Variants in WWOX observed in about 807,000 individuals in gnomAD.
WWOX encodes the protein WW domain-containing oxidoreductase.
WWOX carries 69 observed loss-of-function variants against 46.2 expected under a neutral mutation model. The observed-to-expected ratio is 1.49, with a 90% CI of 1.23 to 1.82. WWOX has a LOEUF of 1.82. Among genes scored for constraint, WWOX ranks in the 40% most tolerant of loss-of-function variants. The pLI, the probability that WWOX is intolerant of heterozygous loss-of-function variation, is 0.00. For missense variants in WWOX, 919 were observed against 542.6 expected (o/e 1.69, Z -6.89); for synonymous variants, 359 against 202.6 (o/e 1.77, Z -6.56).
chr16:78,860,661 A>G (rs967712153), intron 8 of WWOX, among the ~76,000 whole-genome samples: 3 of 152,230 alleles, frequency 2.0e-5, no homozygotes, highest in African/African-American at 7.2e-5. Context: ...TCAGGTAATG[A>G]TAATGCGTGA....
chr16:78,627,167 C>T (rs1279657967), intron 8 of WWOX, among the ~76,000 whole-genome samples: 1 of 151,900 alleles, frequency 6.6e-6, no homozygotes, highest in African/African-American at 2.4e-5. Flanking sequence ...GTGAGTTCTC[C>T]CACTTTACAT....
chr16:78,747,397 C>T (rs377094633), intron 8 of WWOX, among the ~76,000 whole-genome samples: 2 of 152,028 alleles, frequency 1.3e-5, no homozygotes, highest in Non-Finnish European at 2.9e-5. Context: ...ATCACTTTCT[C>T]AGAGGCCTAC....
At chr16:79,176,116 G>A (rs1192349548) in intron 8 of WWOX, among the ~76,000 whole-genome samples, 2 of 152,164 alleles carry the variant, frequency 1.3e-5, no homozygotes, top group Non-Finnish European at 2.9e-5. Flanking sequence ...CACCTGTGTT[G>A]CAAATGTATT....
chr16:78,541,019 T>C (rs979564922), intron 8 of WWOX, among the ~76,000 whole-genome samples: 2 of 151,950 alleles, frequency 1.3e-5, no homozygotes, highest in African/African-American at 2.4e-5. Flanking sequence ...GTCAGCTGAG[T>C]TGGGGAGGTG....
chr16:78,671,536 C>A (rs778244097), intron 8 of WWOX, among the ~76,000 whole-genome samples: 2 of 152,186 alleles, frequency 1.3e-5, no homozygotes, highest in Non-Finnish European at 2.9e-5. Flanking sequence ...TTTAGTACAA[C>A]AACCCTGCCC....
chr16:78,694,175 T>C (rs1182874544), intron 8 of WWOX, among the ~76,000 whole-genome samples: 1 of 152,148 alleles, frequency 6.6e-6, no homozygotes, highest in African/African-American at 2.4e-5. Flanking sequence ...ATCGCACTAC[T>C]TCATTCCAGC....
At position 78,756,968 on chromosome 16, in the gene WWOX, A is replaced by G. The variant is rs554271071; in HGVS notation, c.1056+324216A>G. On this transcript the variant is annotated intron_variant, in intron 8 of 8. Coordinates refer to ENST00000566780, the MANE Select transcript of WWOX (RefSeq NM_016373.4). The stretch of plus-strand genomic sequence containing the variant: ...AAGCCAGCTGCCATGTTGGGAGGAT[A>G]CTCAAGCATACCCGTGTAGAAGAAC... The G allele has an allele frequency of 1.9e-4, 136 of 702,980 alleles. No homozygotes were observed. The East Asian group carries it at 3.4e-3, about 18-fold the overall frequency. The allele number at this position is 702,980 out of a possible 1,614,324, so 43.5% of individuals were successfully genotyped here. A position where few individuals can be genotyped will look rare whatever the true frequency, so the allele number is the denominator to read the frequency against.
chr16:78,730,670 G>A (rs966219379), intron 8 of WWOX, among the ~76,000 whole-genome samples: 2 of 147,692 alleles, frequency 1.4e-5, no homozygotes, highest in African/African-American at 5.0e-5. Flanking sequence ...GTGTTGCCCG[G>A]GATGGTCTTG....
intron 5 of WWOX, among the ~76,000 whole-genome samples, chr16:78,343,845 G>C (rs1280976863): frequency 8.4e-6 from 1 of 119,652 alleles, no homozygotes; most frequent in African/African-American, 2.8e-5. Context: ...CACCCGTTTT[G>C]GGCTTGAAAA....
chr16:78,840,677 T>C (rs553165971), intron 8 of WWOX, among the ~76,000 whole-genome samples: 57 of 152,226 alleles, frequency 3.7e-4, no homozygotes, highest in African/African-American at 1.4e-3. Context: ...TCAGTAGGTC[T>C]AGGTGGGGCC....
At chr16:79,160,719 G>A (rs2050468947) in intron 8 of WWOX, among the ~76,000 whole-genome samples, 1 of 152,102 alleles carries the variant, frequency 6.6e-6, no homozygotes, top group Admixed American at 6.5e-5. Flanking sequence ...CATCGATTTA[G>A]TGATAAAATG....
At chr16:78,378,355 A>T (rs2081878458) in intron 5 of WWOX, among the ~76,000 whole-genome samples, 1 of 152,016 alleles carries the variant, frequency 6.6e-6, no homozygotes, top group African/African-American at 2.4e-5. Context: ...GATGGGTCAA[A>T]CTCCCCATCA....
rs1031326441 is a variant in WWOX, at chr16:79,212,445, T to A, written c.*649T>A. 7.4e-6 allele frequency: 2 copies of A among 269,858 alleles called. No individual in the cohort carries two copies. The allele number at this position is 269,858 out of a possible 1,614,324, so 16.7% of individuals were successfully genotyped here. The stretch of plus-strand genomic sequence containing the variant: ...TGCTATGCAAAAAATTCTTTAGAGA[T>A]TATAACAAATTTTTCAAATCATTCC... On this transcript the variant is annotated 3_prime_UTR_variant, in exon 9 of 9. Coordinates refer to ENST00000566780, the MANE Select transcript of WWOX (RefSeq NM_016373.4).
intron 5 of WWOX, among the ~76,000 whole-genome samples, chr16:78,171,058 A>G (rs1026180352): frequency 6.6e-6 from 1 of 152,234 alleles, no homozygotes; most frequent in Non-Finnish European, 1.5e-5. Context: ...ATTGATTAGC[A>G]TCGGAAATAA....
At chr16:78,126,537 C>G (rs1339502230) in intron 4 of WWOX, among the ~76,000 whole-genome samples, 2 of 152,130 alleles carry the variant, frequency 1.3e-5, no homozygotes, top group Non-Finnish European at 2.9e-5. Context: ...GTATCGATTA[C>G]TAATTGATTG....
In WWOX at chr16:79,106,511, G is replaced by C. The variant is rs777850896; in HGVS notation, c.1057-105097G>C. 2.7e-5 allele frequency: 4 copies of C among 149,922 alleles called. No individual in the cohort carries two copies. The East Asian group carries it at 7.8e-4, about 29-fold the overall frequency. 9.3% of individuals were successfully genotyped at this position (149,922 alleles called of 1,614,324 possible). A position where few individuals can be genotyped will look rare whatever the true frequency, so the allele number is the denominator to read the frequency against. On this transcript the variant is annotated intron_variant, in intron 8 of 8. Coordinates refer to ENST00000566780, the MANE Select transcript of WWOX (RefSeq NM_016373.4). ...TACGCAAACTTTGGAGTATGAGTGC[G>C]TATTTGGGGAAAGTATACCTATCAG...
At chr16:78,353,525 C>G (rs2081224452) in intron 5 of WWOX, among the ~76,000 whole-genome samples, 1 of 152,202 alleles carries the variant, frequency 6.6e-6, no homozygotes. Context: ...CCAGTTGGGA[C>G]AGGATTAGCA....
At chr16:78,123,444 T>TTTTTTG (rs2033208118) in intron 4 of WWOX, 1 of 57,304 alleles carries the variant, frequency 1.7e-5, no homozygotes, top group African/African-American at 7.0e-5. Context: ...TGTTTTGTTT[T>TTTTTTG]TTTTTTTTTT....
rs1160011710 is a variant in WWOX, at chr16:78,750,833, T to G, written c.1056+318081T>G. 2.0e-5 allele frequency among the ~76,000 whole-genome samples: 3 copies of G among 152,194 alleles called. No homozygotes were observed. The East Asian group carries it at 5.8e-4, about 29-fold the overall frequency. On this transcript the variant is annotated intron_variant, in intron 8 of 8. Transcript: ENST00000566780. ...TGCAAAGAACATGATTTTCTTCTTT[T>G]TTATGGCTGTGTAGTATTTCGTGGT...
Sources: allele counts gnomAD v4.1 joint callset (sites outside exome capture counted in the v4.1 genomes callset), GRCh38; gene constraint gnomAD v4.1.1; transcripts MANE v1.5; gene names NCBI Gene and HGNC (gene_info 2026-07-23, HGNC 2026-07-21).